The following P4HA1 variants were observed in gnomAD, a reference collection of about 807,000 sequenced individuals.
P4HA1 encodes prolyl 4-hydroxylase subunit alpha-1.
In P4HA1, 24 loss-of-function variants were observed where a neutral mutation model predicts 72.8. The observed-to-expected ratio is 0.33, with a 90% CI of 0.24 to 0.46. The LOEUF is 0.46. Ranked by LOEUF, P4HA1 falls within the 20% of genes least tolerant of loss-of-function variation. The pLI is 1.00. For missense variants in P4HA1, 446 were observed against 640.6 expected (o/e 0.70, Z 3.28); for synonymous variants, 201 against 218.8 (o/e 0.92, Z 0.72).
chr10:73,084,417 T>C (rs1302475364), intron 1 of P4HA1, among the ~76,000 whole-genome samples: 2 of 152,190 alleles, frequency 1.3e-5, no homozygotes, highest in Non-Finnish European at 2.9e-5. Flanking sequence ...CTCAGCTTCC[T>C]GAGTAGCTTG....
At chr10:73,085,123 AGAGT>A (rs1306629814) in intron 1 of P4HA1, among the ~76,000 whole-genome samples, 2 of 151,788 alleles carry the variant, frequency 1.3e-5, no homozygotes, top group African/African-American at 4.9e-5. Context: ...CCTGGGTGAC[AGAGT>A]GAGTCCATCT....
chr10:73,064,777 G>T (rs111230622), intron 5 of P4HA1, among the ~76,000 whole-genome samples: 15 of 150,472 alleles, frequency 1.0e-4, no homozygotes, highest in African/African-American at 3.7e-4. Flanking sequence ...GGAGGCAGAG[G>T]TTGCAGTGAG....
chr10:73,020,282 T>G (rs1307127190), intron 10 of P4HA1, among the ~76,000 whole-genome samples: 1 of 151,906 alleles, frequency 6.6e-6, no homozygotes. Flanking sequence ...GCACACAAAC[T>G]TTTATAAAAA....
At chr10:73,027,317 A>G (rs1393081613) in intron 10 of P4HA1, among the ~76,000 whole-genome samples, 1 of 152,006 alleles carries the variant, frequency 6.6e-6, no homozygotes, top group Admixed American at 6.5e-5. Context: ...ATGAAGCTGG[A>G]AACCATCATT....
intron 10 of P4HA1, among the ~76,000 whole-genome samples, chr10:73,023,351 TAAAAA>T (rs1365897812): frequency 6.6e-6 from 1 of 151,976 alleles, no homozygotes; most frequent in South Asian, 2.1e-4. Context: ...TCAACATTCT[TAAAAA>T]AAAGAATTTT....
At chr10:73,049,333 A>T (rs1840957308) in intron 7 of P4HA1, among the ~76,000 whole-genome samples, 2 of 152,234 alleles carry the variant, frequency 1.3e-5, no homozygotes, top group Admixed American at 1.3e-4. Flanking sequence ...GAAAATGTTA[A>T]ACACTTTTCA....
intron 1 of P4HA1, among the ~76,000 whole-genome samples, chr10:73,080,812 C>A (rs1030424119): frequency 2.0e-5 from 3 of 152,122 alleles, no homozygotes; most frequent in Non-Finnish European, 4.4e-5. Context: ...CCTGTAGTCC[C>A]AGCTACTCGG....
At chr10:73,072,466 A>G (rs1841586749) in intron 3 of P4HA1, among the ~76,000 whole-genome samples, 1 of 152,188 alleles carries the variant, frequency 6.6e-6, no homozygotes. Flanking sequence ...CCCTCCAGTA[A>G]AAGTCTAAAA....
At chr10:73,070,857 T>C (rs1345927785) in intron 4 of P4HA1, among the ~76,000 whole-genome samples, 1 of 152,140 alleles carries the variant, frequency 6.6e-6, no homozygotes, top group Non-Finnish European at 1.5e-5. Context: ...AGTTCATTAC[T>C]TGAGAATAAA....
chr10:73,044,964 G>T lies in P4HA1; in HGVS notation c.1148+17C>A. 6.3e-7 allele frequency: 1 copy of T among 1,595,842 alleles called. No homozygotes were observed. The highest frequency in any genetic ancestry group is 8.6e-7 in the Non-Finnish European group (1 of 1,165,148). The stretch of plus-strand genomic sequence containing the variant: ...CACTCATTAGAGGGCAAAATATGCA[G>T]CATACACATCTCTTACCTTTTGCTA... On this transcript the variant is annotated intron_variant, in intron 9 of 14. Transcript: ENST00000394890.
intron 9 of P4HA1, among the ~76,000 whole-genome samples, chr10:73,032,115 A>G (rs1303228705): frequency 2.0e-5 from 3 of 151,978 alleles, no homozygotes; most frequent in African/African-American, 7.3e-5. Context: ...TTCCTCTTCC[A>G]CTCTGTACCC....
At chr10:73,036,839 T>C (rs1030197208) in intron 9 of P4HA1, among the ~76,000 whole-genome samples, 56 of 152,332 alleles carry the variant, frequency 3.7e-4, no homozygotes, top group African/African-American at 1.3e-3. Flanking sequence ...AGCTCTGAAT[T>C]TACATTGTAA....
chr10:73,014,611 T>C (rs777109408), intron 11 of P4HA1, among the ~76,000 whole-genome samples: 1 of 152,136 alleles, frequency 6.6e-6, no homozygotes, highest in Non-Finnish European at 1.5e-5. Context: ...CTGGATACTT[T>C]AGACAAGATT....
At chr10:73,016,597 C>T (rs1336866177) in intron 11 of P4HA1, among the ~76,000 whole-genome samples, 5 of 152,076 alleles carry the variant, frequency 3.3e-5, no homozygotes, top group Non-Finnish European at 7.4e-5. Context: ...GCCAAAATGG[C>T]GAAACCCTGT....
chr10:73,070,437 G>A (rs1340328592), intron 4 of P4HA1, among the ~76,000 whole-genome samples: 2 of 151,990 alleles, frequency 1.3e-5, no homozygotes, highest in African/African-American at 2.4e-5. Flanking sequence ...GATTACAGGC[G>A]TGAAATGAAA....
In P4HA1 at chr10:73,072,055, T is replaced by G; in HGVS notation, c.299A>C (p.Asn100Thr). The part of the protein sequence containing the change: ...RLNTEWSELE[N>T]LVLKDMSDGF... ...ATCTGACATATCCTTAAGGACCAGA[T>G]TCTCCAACTCACTCCACTCAGTATT... is the stretch of plus-strand genomic sequence containing the variant. The change falls in exon 4 of 15, where the codon AAT becomes ACT. Residue 100 changes from asparagine to threonine, a missense_variant. By Grantham distance (65) the Asn-to-Thr change is moderately conservative. Coordinates refer to ENST00000394890, the MANE Select transcript of P4HA1 (RefSeq NM_001017962.3). 6.2e-7 allele frequency: 1 copy of G among 1,612,728 alleles called. No homozygotes were observed. The highest frequency in any genetic ancestry group is 8.5e-7 in the Non-Finnish European group (1 of 1,179,000).
At chr10:73,071,804 T>G (rs770172502) in intron 4 of P4HA1, among the ~76,000 whole-genome samples, 6 of 152,166 alleles carry the variant, frequency 3.9e-5, no homozygotes, top group Admixed American at 6.5e-5. Context: ...CTATTCACTT[T>G]TGCAGATTTC....
chr10:73,072,747 G>A (rs377659800), intron 3 of P4HA1, among the ~76,000 whole-genome samples: 5 of 152,074 alleles, frequency 3.3e-5, no homozygotes, highest in Admixed American at 6.6e-5. Context: ...TAACACTAAC[G>A]CTACCATCAC....
At chr10:73,039,970 AC>A (rs1840694863) in intron 9 of P4HA1, among the ~76,000 whole-genome samples, 1 of 146,062 alleles carries the variant, frequency 6.8e-6, no homozygotes, top group Non-Finnish European at 1.5e-5. Context: ...CAAGTGATCT[AC>A]CCACCTAAGC....
Sources: allele counts gnomAD v4.1 joint callset (sites outside exome capture counted in the v4.1 genomes callset), GRCh38; gene constraint gnomAD v4.1.1; transcripts MANE v1.5; gene names NCBI Gene and HGNC (gene_info 2026-07-23, HGNC 2026-07-21).